Variants in PAPOLA observed in about 807,000 individuals in gnomAD.
PAPOLA encodes polynucleotide adenylyltransferase alpha.
In PAPOLA, 15 loss-of-function variants were observed where a neutral mutation model predicts 100.6. The ratio of observed to expected loss-of-function variants is 0.15; its 90% CI spans 0.10 to 0.23. The LOEUF is 0.23. Ranked by LOEUF, PAPOLA falls within the 10% of genes least tolerant of loss-of-function variation. PAPOLA has a pLI of 1.00. For missense variants in PAPOLA, 533 were observed against 884.2 expected, an observed-to-expected ratio of 0.60 and a Z score of 5.04; for synonymous variants, 293 against 300.0, an observed-to-expected ratio of 0.98 and a Z score of 0.24.
intron 15 of PAPOLA, among the ~76,000 whole-genome samples, chr14:96,547,138 T>C (rs1189228862): frequency 6.6e-6 from 1 of 152,170 alleles, no homozygotes; most frequent in Non-Finnish European, 1.5e-5. Context: ...TGAGGCTACG[T>C]TGGTCTTTGT....
intron 10 of PAPOLA, chr14:96,535,043 T>G: frequency 1.0e-6 from 1 of 980,152 alleles, no homozygotes; most frequent in East Asian, 1.1e-4. Flanking sequence ...TTAGATATTT[T>G]AGAGATTATA....
intron 2 of PAPOLA, 189 bp from the exon 3 acceptor site, chr14:96,520,817 G>GTA (rs559307982): frequency 0.021 from 10,316 of 500,594 alleles, 95 homozygotes; most frequent in Non-Finnish European, 0.027. Flanking sequence ...AACAGTGCCT[G>GTA]TATATATATA....
At chr14:96,524,524 T>C (rs1898291598) in intron 3 of PAPOLA, among the ~76,000 whole-genome samples, 1 of 149,494 alleles carries the variant, frequency 6.7e-6, no homozygotes, top group Non-Finnish European at 1.5e-5. Context: ...CCTCTTCCCC[T>C]TCCCCTTCTC....
intron 1 of PAPOLA, 176 bp downstream of exon 1, chr14:96,502,776 C>T (rs1371643664): frequency 4.9e-5 from 31 of 628,270 alleles, no homozygotes; most frequent in African/African-American, 1.9e-5. Context: ...CGCACTTCCC[C>T]CCGTGTGCTG....
At chr14:96,548,964 C>G (rs1333268894) in intron 16 of PAPOLA, among the ~76,000 whole-genome samples, 1 of 152,258 alleles carries the variant, frequency 6.6e-6, no homozygotes, top group East Asian at 1.9e-4. Context: ...TGTTTCCTAC[C>G]TGTGAAATTT....
At chr14:96,503,727 ATGTAGTAACTCAGGTCTAT>A (rs1419065008) in intron 1 of PAPOLA, among the ~76,000 whole-genome samples, 1 of 152,110 alleles carries the variant, frequency 6.6e-6, no homozygotes, top group Non-Finnish European at 1.5e-5. Flanking sequence ...TAGACATCGA[ATGTAGTAACTCAGGTCTAT>A]TTTTTTTTTG....
chr14:96,520,557 A>G (rs1036125976), intron 2 of PAPOLA, among the ~76,000 whole-genome samples: 1 of 151,264 alleles, frequency 6.6e-6, no homozygotes, highest in Non-Finnish European at 1.5e-5. Flanking sequence ...TTGTATTTTT[A>G]GTAGAGGTGG....
chr14:96,521,159 G>A, intron 3 of PAPOLA, 87 bp downstream of exon 3: 1 of 733,434 alleles, frequency 1.4e-6, no homozygotes, highest in East Asian at 2.5e-5. Context: ...TCTTATTTGA[G>A]TGGATTTGGA....
chr14:96,520,822 T>C (rs747452798), intron 2 of PAPOLA, 184 bp from the exon 3 acceptor site: 206 of 520,688 alleles, frequency 4.0e-4, no homozygotes, highest in Non-Finnish European at 6.6e-4. Context: ...TGCCTGTATA[T>C]ATATATAGAA....
At chr14:96,512,244 A>T (rs764910862) in intron 1 of PAPOLA, among the ~76,000 whole-genome samples, 10 of 152,170 alleles carry the variant, frequency 6.6e-5, no homozygotes, top group Middle Eastern at 3.4e-3. Flanking sequence ...TGTGTTATGG[A>T]CATAATATAC....
In PAPOLA at chr14:96,542,314, C is replaced by G. The variant is rs1566856836; in HGVS notation, c.1169+18C>G. 6.5e-7 allele frequency: 1 copy of G among 1,541,882 alleles called. No homozygotes were observed. The highest frequency in any genetic ancestry group is 1.7e-5 in the Admixed American group (1 of 57,992). ...CTGGAATGGTGAGTATAAGAATAGA[C>G]TTTACAGAAAAAGCAAACTTCAAAA... On this transcript the variant is annotated intron_variant, in intron 13 of 21. Transcript: ENST00000216277.
At chr14:96,550,089 A>G (rs145960959) in intron 16 of PAPOLA, among the ~76,000 whole-genome samples, 2 of 152,350 alleles carry the variant, frequency 1.3e-5, no homozygotes, top group Non-Finnish European at 2.9e-5. Context: ...TCAAGGCTGC[A>G]GTGAACTTAT....
intron 10 of PAPOLA, chr14:96,535,566 CTGT>C (rs1183800025): frequency 8.8e-6 from 9 of 1,021,144 alleles, no homozygotes; most frequent in African/African-American, 1.7e-5. Context: ...ATCCCCATTT[CTGT>C]TGTTGAATAA....
chr14:96,538,172 T>C (rs1899690969), intron 12 of PAPOLA, among the ~76,000 whole-genome samples: 1 of 151,962 alleles, frequency 6.6e-6, no homozygotes, highest in Non-Finnish European at 1.5e-5. Context: ...AACTATGATA[T>C]AAAAGAGACA....
In PAPOLA at chr14:96,532,518, C is replaced by T; in HGVS notation, c.705C>T (p.Asn235=). The T allele has an allele frequency of 1.9e-6, 3 of 1,608,214 alleles. No homozygotes were observed. Among genetic ancestry groups the T allele is most frequent in the Non-Finnish European group, 2.5e-6 (3 of 1,178,368 alleles). ...RAIKLWAKRH[N]IYSNILGFLG... ...CTTTTCCCTTATCAACAGGCCACAA[C>T]ATCTATTCCAATATATTAGGTTTCC... Residue 235 remains asparagine (N), a synonymous_variant, in exon 9 of 22, where the codon AAC becomes AAT. Transcript: ENST00000216277.
At chr14:96,540,972 C>T (rs1317703660) in intron 12 of PAPOLA, among the ~76,000 whole-genome samples, 1 of 152,208 alleles carries the variant, frequency 6.6e-6, no homozygotes, top group Non-Finnish European at 1.5e-5. Context: ...TCACTGCAAG[C>T]TCCGCCTCCT....
At chr14:96,550,257 C>T (rs1900737253) in intron 16 of PAPOLA, among the ~76,000 whole-genome samples, 1 of 152,004 alleles carries the variant, frequency 6.6e-6, no homozygotes, top group Admixed American at 6.6e-5. Flanking sequence ...ATATTTAATT[C>T]ATAATCAAAT....
chr14:96,507,559 G>A (rs1049743065), intron 1 of PAPOLA, among the ~76,000 whole-genome samples: 3 of 152,266 alleles, frequency 2.0e-5, no homozygotes. Context: ...ACAGGCGTGA[G>A]CCACCGCGCC....
intron 4 of PAPOLA, chr14:96,526,153 C>T (rs556064570): frequency 1.9e-4 from 29 of 152,154 alleles, no homozygotes; most frequent in Admixed American, 1.2e-3. Flanking sequence ...AAAATGTTAC[C>T]TCGGCAAAGA....
Sources: allele counts gnomAD v4.1 joint callset (sites outside exome capture counted in the v4.1 genomes callset), GRCh38; gene constraint gnomAD v4.1.1; transcripts MANE v1.5; gene names NCBI Gene and HGNC (gene_info 2026-07-23, HGNC 2026-07-21).